ICOS: variants seen among roughly 807,000 people sequenced by gnomAD.
ICOS encodes the protein inducible T cell costimulator.
ICOS carries 15 observed loss-of-function variants against 24.6 expected under a neutral mutation model. That is an observed-to-expected ratio of 0.61 (90% CI 0.41 to 0.94). The LOEUF is 0.94. ICOS is among the 40% of genes least tolerant of loss of function. ICOS has a pLI of 0.00. For synonymous variants in ICOS, 89 were observed against 77.5 expected (o/e 1.15, Z -0.78); for missense variants, 200 against 233.0 (o/e 0.86, Z 0.92).
intron 1 of ICOS, 124 bp from the exon 2 acceptor site, chr2:203,955,512 G>C (rs1226633219): frequency 5.1e-5 from 39 of 761,982 alleles, no homozygotes; most frequent in Non-Finnish European, 8.3e-5. Context: ...ATGTGAAGCT[G>C]TTTCATTTTG....
intron 1 of ICOS, among the ~76,000 whole-genome samples, chr2:203,943,756 G>C (rs1689820259): frequency 6.6e-6 from 1 of 152,096 alleles, no homozygotes. Context: ...AACCAGGGTG[G>C]GTAGGGAAGG....
At chr2:203,951,014 T>C (rs573075757) in intron 1 of ICOS, among the ~76,000 whole-genome samples, 1 of 151,492 alleles carries the variant, frequency 6.6e-6, no homozygotes, top group East Asian at 1.9e-4. Context: ...GAGCTGAGAT[T>C]GCACCACTGC....
chr2:203,946,895 G>A (rs773396725), intron 1 of ICOS, among the ~76,000 whole-genome samples: 7 of 152,112 alleles, frequency 4.6e-5, no homozygotes, highest in Non-Finnish European at 8.8e-5. Flanking sequence ...GGAGGTTTGT[G>A]GTTAGAAGTC....
chr2:203,959,289 T>G (rs1690128785), intron 4 of ICOS, among the ~76,000 whole-genome samples: 1 of 152,200 alleles, frequency 6.6e-6, no homozygotes, highest in South Asian at 2.1e-4. Flanking sequence ...AGTCAGCCCA[T>G]GCAGCGCTTT....
At chr2:203,950,194 G>A (rs1309620493) in intron 1 of ICOS, among the ~76,000 whole-genome samples, 8 of 152,318 alleles carry the variant, frequency 5.3e-5, no homozygotes, top group Middle Eastern at 3.4e-3. Context: ...AAGTCTAGGG[G>A]TCTAGGGGCC....
At chr2:203,938,721 C>A (rs1214714897) in intron 1 of ICOS, among the ~76,000 whole-genome samples, 5 of 152,098 alleles carry the variant, frequency 3.3e-5, no homozygotes, top group Admixed American at 3.3e-4. Context: ...TGAGATCCAG[C>A]CTTAGGTAGG....
chr2:203,940,081 G>A (rs1318597263), intron 1 of ICOS, among the ~76,000 whole-genome samples: 2 of 152,072 alleles, frequency 1.3e-5, no homozygotes, highest in Non-Finnish European at 2.9e-5. Flanking sequence ...AATTTACTAA[G>A]TAATTGACAT....
intron 2 of ICOS, among the ~76,000 whole-genome samples, chr2:203,956,335 G>A (rs1559036014): frequency 6.6e-6 from 1 of 152,136 alleles, no homozygotes; most frequent in Non-Finnish European, 1.5e-5. Flanking sequence ...TTTGCACTGT[G>A]TTTGTGGAAT....
intron 1 of ICOS, among the ~76,000 whole-genome samples, chr2:203,941,853 T>G (rs1210210200): frequency 6.6e-6 from 1 of 151,978 alleles, no homozygotes; most frequent in Non-Finnish European, 1.5e-5. Context: ...AAGAAATGAT[T>G]TTTTTTTTCA....
At chr2:203,956,900 C>A in intron 3 of ICOS, 135 bp downstream of exon 3, 1 of 677,144 alleles carries the variant, frequency 1.5e-6, no homozygotes, top group South Asian at 1.6e-5. Flanking sequence ...CCAAGACATA[C>A]CTACTAATTA....
intron 1 of ICOS, among the ~76,000 whole-genome samples, chr2:203,942,188 T>A (rs1230003938): frequency 6.6e-6 from 1 of 152,234 alleles, no homozygotes; most frequent in Non-Finnish European, 1.5e-5. Context: ...CCTGTATTTG[T>A]GTTCTTCTAG....
rs1690173984 is a variant in ICOS at position 203,961,332 on chromosome 2, G to A, written c.*1733G>A. ...GCTTTGCACAGGTGTTCCCTGAGTT[G>A]TTTGCAGGTTTCTGTGTGTGGGGTG... On this transcript the variant is annotated 3_prime_UTR_variant, in exon 5 of 5. Transcript: ENST00000316386. 1 of 171,802 alleles carries A rather than the reference G, an allele frequency of 5.8e-6. No individual in the cohort carries two copies. The highest frequency in any genetic ancestry group is 1.2e-5 in the Non-Finnish European group (1 of 80,304). The allele number at this position is 171,802 out of a possible 1,614,324, so 10.6% of individuals were successfully genotyped here. A position where few individuals can be genotyped will look rare whatever the true frequency, so the allele number is the denominator to read the frequency against.
intron 4 of ICOS, 39 bp downstream of exon 4, chr2:203,957,922 T>A: frequency 8.0e-7 from 1 of 1,245,712 alleles, no homozygotes; most frequent in Non-Finnish European, 1.2e-6. Flanking sequence ...GGAAGAGGTT[T>A]CTTCACAGTA....
At chr2:203,938,314 C>T (rs1689700047) in intron 1 of ICOS, among the ~76,000 whole-genome samples, 2 of 152,008 alleles carry the variant, frequency 1.3e-5, no homozygotes, top group South Asian at 2.1e-4. Context: ...ATGGGGAGAA[C>T]GGTATGAAGG....
intron 1 of ICOS, among the ~76,000 whole-genome samples, chr2:203,942,058 G>A (rs1297387494): frequency 2.0e-5 from 3 of 152,184 alleles, no homozygotes; most frequent in African/African-American, 7.2e-5. Context: ...AGTTGACCAC[G>A]AGTGTTGTTA....
In ICOS at chr2:203,959,856, A is replaced by G; in HGVS notation, c.*257A>G. On this transcript the variant is annotated 3_prime_UTR_variant, in exon 5 of 5. Coordinates refer to ENST00000316386, the MANE Select transcript of ICOS (RefSeq NM_012092.4). Reference sequence around the variant, plus strand: ...GAGAAAGCCCAGCTCCTGTGTGCTCACTGGGAGTGGAATCCCTGTCTCCAC... The same window carrying G: ...GAGAAAGCCCAGCTCCTGTGTGCTCGCTGGGAGTGGAATCCCTGTCTCCAC... 3.5e-6 allele frequency: 2 copies of G among 570,362 alleles called. No individual in the cohort carries two copies. The highest frequency in any genetic ancestry group is 3.9e-5 in the South Asian group (2 of 50,950). The allele number at this position is 570,362 out of a possible 1,614,324, so 35.3% of individuals were successfully genotyped here.
chr2:203,956,965 A>G (rs1464322098), intron 3 of ICOS, among the ~76,000 whole-genome samples, 200 bp downstream of exon 3: 2 of 152,120 alleles, frequency 1.3e-5, no homozygotes, highest in Non-Finnish European at 2.9e-5. Context: ...CACACATTCC[A>G]AAGAGGACTT....
chr2:203,939,631 G>T (rs1161947270), intron 1 of ICOS, among the ~76,000 whole-genome samples: 1 of 152,140 alleles, frequency 6.6e-6, no homozygotes, highest in Non-Finnish European at 1.5e-5. Context: ...CTGTGAGGAA[G>T]CTGGGAGGAT....
rs749858926 is a variant in ICOS, at chr2:203,961,056, A to G, written c.*1457A>G. ...AATATTTTCTCTACTTCCTGTCTGC[A>G]TGCCCAAGGCTTCTGAAGCAGCCAA... On this transcript the variant is annotated 3_prime_UTR_variant, in exon 5 of 5. Coordinates refer to ENST00000316386, the MANE Select transcript of ICOS (RefSeq NM_012092.4). The G allele has an allele frequency of 6.6e-6, 1 of 152,190 alleles. No homozygotes were observed. Among genetic ancestry groups the G allele is most frequent in the Non-Finnish European group, 1.5e-5 (1 of 68,056 alleles). The allele number at this position is 152,190 out of a possible 1,614,324, so 9.4% of individuals were successfully genotyped here.
Sources: allele counts gnomAD v4.1 joint callset (sites outside exome capture counted in the v4.1 genomes callset), GRCh38; gene constraint gnomAD v4.1.1; transcripts MANE v1.5; gene names NCBI Gene and HGNC (gene_info 2026-07-23, HGNC 2026-07-21).